Variants in HSPA12A observed in about 807,000 individuals in gnomAD.
HSPA12A encodes the protein heat shock protein family A (Hsp70) member 12A, also known as heat shock 70 kDa protein 12A.
HSPA12A carries 28 observed loss-of-function variants against 69.2 expected under a neutral mutation model. The observed-to-expected ratio is 0.40, with a 90% confidence interval of 0.30 to 0.55. HSPA12A has a LOEUF of 0.55. HSPA12A is among the 20% of genes least tolerant of loss of function. The pLI is 0.38. For synonymous variants in HSPA12A, 345 were observed against 370.5 expected (o/e 0.93, Z 0.79); for missense variants, 686 against 900.7 (o/e 0.76, Z 3.05).
At chr10:116,769,154 C>A (rs564906994) in intron 2 of HSPA12A, among the ~76,000 whole-genome samples, 36 of 152,190 alleles carry the variant, frequency 2.4e-4, no homozygotes, top group Non-Finnish European at 4.6e-4. Flanking sequence ...TTCTGACTGA[C>A]CAATCATCAC....
intron 1 of HSPA12A, among the ~76,000 whole-genome samples, chr10:116,845,517 A>C (rs542092003): frequency 6.6e-6 from 1 of 152,228 alleles, no homozygotes; most frequent in Admixed American, 6.5e-5. Flanking sequence ...TCTCTCTAAT[A>C]TCATTTCCTC....
Position 116,787,495 on chromosome 10 carries a change from G to C in HSPA12A, c.91+47440C>G, listed in dbSNP as rs368110438. 3.9e-4 allele frequency among the ~76,000 whole-genome samples: 59 copies of C among 151,298 alleles called. 1 individual carries two copies. The East Asian group carries it at 7.6e-3, about 19-fold the overall frequency. ...GCGCCTTCTGTGAAGTGATGTGGGA[G>C]GCTTTCAGCGTCATTGCTAAATGCA... On this transcript the variant is annotated intron_variant, in intron 2 of 12. Coordinates refer to the HSPA12A transcript ENST00000635765.
chr10:116,741,653 A>C (rs1851510918), intron 1 of HSPA12A, among the ~76,000 whole-genome samples: 1 of 151,834 alleles, frequency 6.6e-6, no homozygotes, highest in Non-Finnish European at 1.5e-5. Flanking sequence ...CTCTTCCCGC[A>C]ACCCCCTTCC....
chr10:116,745,734 G>A (rs1262670267), upstream of HSPA12A, among the ~76,000 whole-genome samples: 1 of 152,238 alleles, frequency 6.6e-6, no homozygotes, highest in East Asian at 1.9e-4. Flanking sequence ...CAGCTTGGAT[G>A]GCACTTCCTC....
At chr10:116,731,481 T>C (rs911973968) in intron 1 of HSPA12A, among the ~76,000 whole-genome samples, 2 of 152,178 alleles carry the variant, frequency 1.3e-5, no homozygotes, top group Admixed American at 1.3e-4. Flanking sequence ...CTACAGCCCA[T>C]CACACACCAG....
chr10:116,746,129 G>A (rs1362147852), upstream of HSPA12A, among the ~76,000 whole-genome samples: 4 of 151,978 alleles, frequency 2.6e-5, no homozygotes, highest in South Asian at 4.2e-4. Context: ...CATCCTCTCC[G>A]GGATCCCGTT....
chr10:116,749,483 G>A (rs1851725375), intron 2 of HSPA12A, among the ~76,000 whole-genome samples: 1 of 152,210 alleles, frequency 6.6e-6, no homozygotes, highest in South Asian at 2.1e-4. Context: ...GAAAGTGGCA[G>A]AGGAAGAATT....
intron 1 of HSPA12A, among the ~76,000 whole-genome samples, chr10:116,713,127 C>T (rs528877816): frequency 4.4e-4 from 66 of 149,532 alleles, no homozygotes; most frequent in African/African-American, 1.6e-3. Context: ...ATATGCCTGC[C>T]TGCAGTGTCA....
At chr10:116,824,577 G>T (rs563716856) in intron 2 of HSPA12A, among the ~76,000 whole-genome samples, 3 of 152,340 alleles carry the variant, frequency 2.0e-5, no homozygotes, top group African/African-American at 4.8e-5. Flanking sequence ...AATGAAAAGT[G>T]AAGGACTGGT....
chr10:116,823,660 T>A (rs1306320174), intron 2 of HSPA12A, among the ~76,000 whole-genome samples: 2 of 152,168 alleles, frequency 1.3e-5, no homozygotes, highest in Non-Finnish European at 2.9e-5. Flanking sequence ...AATAATAGTC[T>A]TTTCACTAAT....
intron 2 of HSPA12A, among the ~76,000 whole-genome samples, chr10:116,807,091 C>A (rs1362031118): frequency 6.6e-6 from 1 of 151,944 alleles, no homozygotes; most frequent in East Asian, 1.9e-4. Context: ...CCTGCCAACA[C>A]CTTGATTTTG....
intron 3 of HSPA12A, 34 bp from the exon 4 acceptor site, chr10:116,701,163 T>TC (rs781866426): frequency 6.3e-7 from 1 of 1,598,786 alleles, no homozygotes; most frequent in East Asian, 2.2e-5. Context: ...TATGGGGCCT[T>TC]CTTTCAAAAT....
intron 1 of HSPA12A, among the ~76,000 whole-genome samples, chr10:116,736,151 T>A (rs949449215): frequency 4.6e-5 from 7 of 152,190 alleles, no homozygotes; most frequent in Non-Finnish European, 1.0e-4. Context: ...CCAATAAACC[T>A]TTTTATTCAG....
chr10:116,692,329 C>A, intron 6 of HSPA12A, 22 bp downstream of exon 6: 1 of 1,595,760 alleles, frequency 6.3e-7, no homozygotes, highest in Non-Finnish European at 8.6e-7. Context: ...CCGGCTTCCA[C>A]CCGCCCTGAC....
chr10:116,781,790 G>C (rs961871336), intron 2 of HSPA12A, among the ~76,000 whole-genome samples: 2 of 152,144 alleles, frequency 1.3e-5, no homozygotes, highest in Non-Finnish European at 2.9e-5. Context: ...GGTTGGGTAG[G>C]GGGTGTCCTC....
At chr10:116,760,038 T>C (rs1255166702) in intron 2 of HSPA12A, among the ~76,000 whole-genome samples, 1 of 152,150 alleles carries the variant, frequency 6.6e-6, no homozygotes, top group African/African-American at 2.4e-5. Context: ...CTTGGGTATA[T>C]CTTTATCAGC....
intron 6 of HSPA12A, among the ~76,000 whole-genome samples, chr10:116,690,860 C>G (rs1236629545): frequency 6.6e-6 from 1 of 151,990 alleles, no homozygotes; most frequent in East Asian, 1.9e-4. Flanking sequence ...ACATTTGTTG[C>G]TGAAGTCTTC....
At chr10:116,810,047 G>A in intron 2 of HSPA12A, among the ~76,000 whole-genome samples, 1 of 152,178 alleles carries the variant, frequency 6.6e-6, no homozygotes, top group East Asian at 1.9e-4. Flanking sequence ...TGAAGAATGT[G>A]AACTCTGAGC....
Position 116,675,110 on chromosome 10 carries a change from C to T in HSPA12A, c.1699G>A (p.Val567Ile), listed in dbSNP as rs146839286. Residue 567 changes from valine to isoleucine, a missense_variant, in exon 12 of 12, where the codon GTC (valine) becomes ATC (isoleucine). Physicochemically the swap from Val to Ile is conservative, Grantham distance 29 (BLOSUM62 3). Transcript: ENST00000369209. The surrounding 1 kb of genome is among the most constrained non-coding windows in gnomAD (Gnocchi z 5.2). ...VKDGTRWCTDVFDKFISADQS... is the reference protein window; with the variant it reads ...VKDGTRWCTDIFDKFISADQS... ...TCGGCAGAGATGAACTTGTCAAAGACGTCGGTGCACCACCGAGTGCCATCC... is the reference window on the plus strand; with the variant it reads ...TCGGCAGAGATGAACTTGTCAAAGATGTCGGTGCACCACCGAGTGCCATCC... 7.4e-5 allele frequency: 120 copies of T among 1,613,938 alleles called. No homozygotes were observed. The highest frequency in any genetic ancestry group is 8.4e-5 in the Non-Finnish European group (99 of 1,180,014).
Sources: allele counts gnomAD v4.1 joint callset (sites outside exome capture counted in the v4.1 genomes callset), GRCh38; gene constraint gnomAD v4.1.1; non-coding constraint Gnocchi (gnomAD v3.1); transcripts MANE v1.5; gene names NCBI Gene and HGNC (gene_info 2026-07-23, HGNC 2026-07-21).